Variants in LPP observed in about 807,000 individuals in gnomAD.
LPP encodes lipoma-preferred partner.
Under a neutral mutation model 60.4 loss-of-function variants are expected in LPP, and 38 were observed. The ratio of observed to expected loss-of-function variants is 0.63; its 90% CI spans 0.49 to 0.83. LPP has a LOEUF of 0.83. Among genes scored for constraint, LPP ranks in the 40% least tolerant of loss-of-function variants. The pLI is 0.00. For synonymous variants in LPP, 328 were observed against 290.8 expected (o/e 1.13, Z -1.30); for missense variants, 902 against 783.6 (o/e 1.15, Z -1.80).
intron 3 of LPP, among the ~76,000 whole-genome samples, chr3:188,351,167 C>A (rs531425400): frequency 6.6e-6 from 1 of 152,196 alleles, no homozygotes; most frequent in African/African-American, 2.4e-5. Context: ...TGGCACAGGG[C>A]CCCAGACATA....
chr3:188,269,124 T>C (rs1436963589), intron 2 of LPP, among the ~76,000 whole-genome samples: 1 of 152,206 alleles, frequency 6.6e-6, no homozygotes, highest in South Asian at 2.1e-4. Context: ...TTGTGGGTGA[T>C]CATATACTAT....
intron 9 of LPP, among the ~76,000 whole-genome samples, chr3:188,847,287 G>A: frequency 6.6e-6 from 1 of 152,168 alleles, no homozygotes; most frequent in East Asian, 1.9e-4. Context: ...TGTACTGTCA[G>A]GACTGATGAA....
At chr3:188,797,562 G>A (rs921506542) in intron 9 of LPP, among the ~76,000 whole-genome samples, 7 of 152,106 alleles carry the variant, frequency 4.6e-5, no homozygotes, top group Non-Finnish European at 7.4e-5. Context: ...CTGACCTGCC[G>A]TGTGTTCCCC....
In LPP at chr3:188,882,178, C is replaced by T. The variant is rs1770110018; in HGVS notation, c.*7699C>T. ...ACATCAGGAAGAGTCATTCCAGTGACATTAGTAAGACTTTATGGAGTACAT... is the reference window on the plus strand; with the variant it reads ...ACATCAGGAAGAGTCATTCCAGTGATATTAGTAAGACTTTATGGAGTACAT... On this transcript the variant is annotated 3_prime_UTR_variant, in exon 12 of 12. Transcript: ENST00000617246. 4.7e-6 allele frequency: 1 copy of T among 213,804 alleles called. No homozygotes were observed. Among genetic ancestry groups the T allele is most frequent in the South Asian group, 1.9e-4 (1 of 5,392 alleles). 13.2% of individuals were successfully genotyped at this position (213,804 alleles called of 1,614,324 possible). A position where few individuals can be genotyped will look rare whatever the true frequency, so the allele number is the denominator to read the frequency against.
chr3:188,745,417 C>T (rs1394749567), intron 8 of LPP, among the ~76,000 whole-genome samples: 1 of 152,076 alleles, frequency 6.6e-6, no homozygotes, highest in Admixed American at 6.6e-5. Flanking sequence ...ATAAGTCATT[C>T]CTGTATTCAT....
chr3:188,436,722 A>G (rs1191824413), intron 4 of LPP, among the ~76,000 whole-genome samples: 3 of 152,206 alleles, frequency 2.0e-5, no homozygotes, highest in Non-Finnish European at 4.4e-5. Context: ...TGGTAGGCCC[A>G]GACTTGAATT....
chr3:188,699,741 C>T (rs1355129068), intron 7 of LPP, among the ~76,000 whole-genome samples: 1 of 152,118 alleles, frequency 6.6e-6, no homozygotes, highest in East Asian at 1.9e-4. Context: ...ATCCACCTTC[C>T]ACTTCTTTCC....
chr3:188,562,739 A>G (rs1234302973), intron 6 of LPP, among the ~76,000 whole-genome samples: 1 of 152,004 alleles, frequency 6.6e-6, no homozygotes, highest in Non-Finnish European at 1.5e-5. Flanking sequence ...GAACCCACTC[A>G]TTTTAAGTGT....
At chr3:188,682,688 T>C (rs1859793286) in intron 7 of LPP, among the ~76,000 whole-genome samples, 1 of 152,186 alleles carries the variant, frequency 6.6e-6, no homozygotes, top group Non-Finnish European at 1.5e-5. Flanking sequence ...TAAACACCCA[T>C]GCAAATTACT....
rs1744436012 is a variant in LPP at position 188,287,701 on chromosome 3, T to C, written c.-66-53962T>C. Among the ~76,000 whole-genome samples, 3 of 152,172 alleles carry C rather than the reference T, an allele frequency of 2.0e-5. No homozygotes were observed. In the South Asian group the frequency reaches 6.2e-4, roughly 32 times the overall value. ...TGTAGTAGTGATGGCCAATAAGTTC[T>C]TTTTTTCTCTGGCAAGAAGCTAAGT... On this transcript the variant is annotated intron_variant, in intron 2 of 11. Transcript: ENST00000617246.
intron 4 of LPP, among the ~76,000 whole-genome samples, chr3:188,458,040 T>C (rs1002853301): frequency 1.3e-5 from 2 of 152,230 alleles, no homozygotes; most frequent in Non-Finnish European, 2.9e-5. Context: ...GTATTTTTAG[T>C]TCATTTCCTT....
intron 9 of LPP, among the ~76,000 whole-genome samples, chr3:188,787,098 T>C (rs189096825): frequency 2.4e-4 from 37 of 152,298 alleles, no homozygotes; most frequent in Admixed American, 5.2e-4. Flanking sequence ...CACACCTGCA[T>C]GAACTTACAC....
chr3:188,234,344 A>T (rs946085028), intron 2 of LPP, among the ~76,000 whole-genome samples: 15 of 152,128 alleles, frequency 9.9e-5, no homozygotes, highest in African/African-American at 3.1e-4. Flanking sequence ...ACATGGCCAA[A>T]TGATGTGTTG....
intron 1 of LPP, among the ~76,000 whole-genome samples, chr3:188,203,573 ATT>A (rs1732174855): frequency 9.9e-6 from 1 of 100,748 alleles, no homozygotes; most frequent in Non-Finnish European, 1.8e-5. Flanking sequence ...ATAAATATAT[ATT>A]TAAATATATA....
chr3:188,857,317 C>T (rs758147869), intron 9 of LPP, among the ~76,000 whole-genome samples: 13 of 152,130 alleles, frequency 8.5e-5, no homozygotes, highest in South Asian at 2.1e-4. Context: ...TACAGAATAA[C>T]GGAGAAAGAT....
intron 7 of LPP, among the ~76,000 whole-genome samples, chr3:188,653,012 C>T (rs1004927201): frequency 1.3e-5 from 2 of 152,196 alleles, no homozygotes; most frequent in Non-Finnish European, 2.9e-5. Context: ...GTGTCTTTTT[C>T]CTCAGGCAGC....
chr3:188,571,079 TAAAG>T (rs1277101841), intron 6 of LPP, among the ~76,000 whole-genome samples: 3 of 151,932 alleles, frequency 2.0e-5, no homozygotes, highest in African/African-American at 7.2e-5. Flanking sequence ...GGAGAAGAGA[TAAAG>T]AACTGCTAAA....
chr3:188,254,743 C>T lies in LPP; in HGVS notation c.-67+29216C>T, dbSNP rs146619123. On this transcript the variant is annotated intron_variant, in intron 2 of 11. Coordinates refer to ENST00000617246, the MANE Select transcript of LPP (RefSeq NM_001375462.1). ...ATAGGATTCCTTCAATGCCTCTCCT[C>T]GGGTGAAAGATGTGGCATGTGGAAC... is the stretch of plus-strand genomic sequence containing the variant. Among the ~76,000 whole-genome samples, 155 of 152,278 alleles carry T rather than the reference C, an allele frequency of 1.0e-3. 1 individual carries two copies. In the East Asian group the frequency reaches 0.022, roughly 22 times the overall value.
At chr3:188,872,819 G>C in intron 11 of LPP, 56 bp downstream of exon 11, 1 of 1,609,152 alleles carries the variant, frequency 6.2e-7, no homozygotes, top group Non-Finnish European at 8.5e-7. Context: ...AGGCTCGTTC[G>C]AGCTAGGTTT....
Sources: allele counts gnomAD v4.1 joint callset (sites outside exome capture counted in the v4.1 genomes callset), GRCh38; gene constraint gnomAD v4.1.1; transcripts MANE v1.5; gene names NCBI Gene and HGNC (gene_info 2026-07-23, HGNC 2026-07-21).